The following LIMK2 variants were observed in gnomAD, a reference collection of about 807,000 sequenced individuals.
LIMK2 encodes the protein LIM domain kinase 2.
LIMK2 carries 35 observed loss-of-function variants against 75.7 expected under a neutral mutation model. The ratio of observed to expected loss-of-function variants is 0.46; its 90% CI spans 0.35 to 0.61. LIMK2 has a LOEUF of 0.61. Ranked by LOEUF, LIMK2 falls within the 20% of genes least tolerant of loss-of-function variation. The probability of loss-of-function intolerance (pLI) is 0.00; values close to 1 mark genes in which losing one functional copy is unlikely to be tolerated. For synonymous variants in LIMK2, 301 were observed against 319.2 expected, an observed-to-expected ratio of 0.94 and a Z score of 0.61; for missense variants, 623 against 831.0, an observed-to-expected ratio of 0.75 and a Z score of 3.08.
chr22:31,250,879 G>T (rs1470520315), intron 2 of LIMK2, among the ~76,000 whole-genome samples: 2 of 152,198 alleles, frequency 1.3e-5, no homozygotes, highest in Non-Finnish European at 2.9e-5. Context: ...TTAAGTTCTT[G>T]ACCCTAGGCC....
chr22:31,273,395 A>C, intron 13 of LIMK2, 57 bp from the exon 14 acceptor site: 2 of 1,480,644 alleles, frequency 1.4e-6, no homozygotes, highest in Non-Finnish European at 1.9e-6. Context: ...CCCTAGACCC[A>C]GTGCAGAGCA....
intron 15 of LIMK2, 90 bp from the exon 16 acceptor site, chr22:31,278,207 C>A: frequency 1.7e-6 from 2 of 1,186,578 alleles, no homozygotes; most frequent in Non-Finnish European, 2.4e-6. Context: ...CGTTATACAA[C>A]CAGGAAGTAG....
At chr22:31,219,425 T>C (rs1197259747) in intron 1 of LIMK2, among the ~76,000 whole-genome samples, 2 of 152,188 alleles carry the variant, frequency 1.3e-5, no homozygotes, top group African/African-American at 2.4e-5. Flanking sequence ...CGTTGCACAG[T>C]TGCACTTATT....
chr22:31,277,837 AT>A (rs1468682348), intron 15 of LIMK2, among the ~76,000 whole-genome samples: 11 of 152,162 alleles, frequency 7.2e-5, no homozygotes, highest in Admixed American at 2.0e-4. Flanking sequence ...AGTAAAGACG[AT>A]TGTTCAGGGT....
chr22:31,237,865 G>T (rs889476184), intron 2 of LIMK2, among the ~76,000 whole-genome samples: 1 of 151,860 alleles, frequency 6.6e-6, no homozygotes, highest in African/African-American at 2.4e-5. Context: ...AGCACTTTGG[G>T]AGGCCGAGGT....
Position 31,272,615 on chromosome 22 carries a change from C to T in LIMK2, c.1469C>T (p.Thr490Ile), listed in dbSNP as rs1394014794. The T allele has an allele frequency of 6.2e-7, 1 of 1,614,086 alleles. No homozygotes were observed. Among genetic ancestry groups the T allele is most frequent in the Non-Finnish European group, 8.5e-7 (1 of 1,180,002 alleles). ...RKRAPMEKATTKKRTLRKNDR... is the reference protein window; with the variant it reads ...RKRAPMEKATIKKRTLRKNDR... ...AGGGCCCCCATGGAGAAGGCCACCA[C>T]CAAGAAACGCACCTTGCGCAAGAAC... The change falls in exon 13 of 16, where the codon ACC (threonine) becomes ATC (isoleucine). Residue 490 changes from threonine (T) to isoleucine (I), a missense_variant. Transcript: ENST00000331728.
intron 2 of LIMK2, among the ~76,000 whole-genome samples, chr22:31,226,738 T>G (rs1250120620): frequency 6.6e-6 from 1 of 152,216 alleles, no homozygotes; most frequent in African/African-American, 2.4e-5. Flanking sequence ...GCCCCCCTAG[T>G]AGGTGGGACT....
rs115204987 is a variant in LIMK2, at chr22:31,262,229, G to A, written c.647G>A (p.Arg216Gln). 282 of 1,611,218 alleles carry A rather than the reference G, an allele frequency of 1.8e-4. 1 individual carries two copies. In the African/African-American group the frequency reaches 3.0e-3, roughly 17 times the overall value. ...AATGGGACCCCCGTCCGCACACTTC[G>A]AGTGGAGGAGGTAGAGTGTGTGTCT... is the stretch of plus-strand genomic sequence containing the variant. Reference protein sequence around the residue: ...EINGTPVRTLRVEEVEDAISQ... With the variant: ...EINGTPVRTLQVEEVEDAISQ... The change falls in exon 6 of 16, where the codon CGA becomes CAA. Residue 216 changes from arginine to glutamine, a missense_variant. By Grantham distance (43) the Arg-to-Gln change is conservative (BLOSUM62 1). This residue lies in a region of LIMK2 where 514 missense variants were observed against 661.3 expected (regional missense o/e 0.78). Coordinates refer to ENST00000331728, the MANE Select transcript of LIMK2 (RefSeq NM_005569.4). This position sits in a 1 kb window ranked among gnomAD's most constrained non-coding sequence, Gnocchi z 5.0.
intron 7 of LIMK2, among the ~76,000 whole-genome samples, chr22:31,264,844 G>A (rs2048876067): frequency 6.6e-6 from 1 of 151,720 alleles, no homozygotes; most frequent in Admixed American, 6.6e-5. Context: ...GAATCACAAG[G>A]TCAGGAGTTT....
rs1247903183 is a variant in LIMK2 at position 31,279,263 on chromosome 22, T to A, written c.*822T>A. The stretch of plus-strand genomic sequence containing the variant: ...TAGAAAGCTCAGATCTTGGCTTCTG[T>A]TACTCATACTCGGGTGGGCTCCTTA... On this transcript the variant is annotated 3_prime_UTR_variant, in exon 16 of 16. Coordinates refer to ENST00000331728, the MANE Select transcript of LIMK2 (RefSeq NM_005569.4). 6.6e-6 allele frequency: 1 copy of A among 152,274 alleles called. No individual in the cohort carries two copies. The highest frequency in any genetic ancestry group is 1.5e-5 in the Non-Finnish European group (1 of 68,080). The allele number at this position is 152,274 out of a possible 1,614,324, so 9.4% of individuals were successfully genotyped here.
intron 1 of LIMK2, among the ~76,000 whole-genome samples, chr22:31,214,794 A>AT (rs1203035245): frequency 2.2e-4 from 34 of 151,696 alleles, no homozygotes; most frequent in Admixed American, 2.0e-3. Flanking sequence ...TGGTTTTTTG[A>AT]TTTTTTTGTA....
At chr22:31,271,039 C>A in intron 11 of LIMK2, 97 bp from the exon 12 acceptor site, 1 of 1,100,296 alleles carries the variant, frequency 9.1e-7, no homozygotes, top group Non-Finnish European at 1.4e-6. Context: ...GCTGGGTGGG[C>A]ATGGCCTGGT....
intron 2 of LIMK2, among the ~76,000 whole-genome samples, chr22:31,230,854 T>C (rs2048521983): frequency 6.6e-6 from 1 of 152,158 alleles, no homozygotes; most frequent in Non-Finnish European, 1.5e-5. Context: ...TTCTCTCCCC[T>C]CATCCCCATC....
At chr22:31,245,641 T>A (rs1298925477) in intron 2 of LIMK2, among the ~76,000 whole-genome samples, 1 of 152,110 alleles carries the variant, frequency 6.6e-6, no homozygotes, top group Non-Finnish European at 1.5e-5. Context: ...GGTCTTGGTT[T>A]GTTACCCAGG....
At chr22:31,234,629 G>A (rs2048556350) in intron 2 of LIMK2, among the ~76,000 whole-genome samples, 1 of 148,908 alleles carries the variant, frequency 6.7e-6, no homozygotes, top group African/African-American at 2.5e-5. Context: ...GCTGAGGCAG[G>A]AGAATCACTT....
rs1028071456 is a variant in LIMK2 at position 31,220,818 on chromosome 22, C to T, written c.17-4902C>T. On this transcript the variant is annotated intron_variant, in intron 1 of 15. Coordinates refer to ENST00000331728, the MANE Select transcript of LIMK2 (RefSeq NM_005569.4). ...TCTCTACTAAAAATACAAAATTAGCCGGGCGTCGTGGCGCATGCCCACAAT... is the reference window on the plus strand; with the variant it reads ...TCTCTACTAAAAATACAAAATTAGCTGGGCGTCGTGGCGCATGCCCACAAT... Among the ~76,000 whole-genome samples, 15 of 152,132 alleles carry T rather than the reference C, an allele frequency of 9.9e-5. 1 individual carries two copies. The South Asian group carries it at 1.0e-3, about 11-fold the overall frequency.
intron 2 of LIMK2, among the ~76,000 whole-genome samples, chr22:31,240,064 GTT>G (rs2048611738): frequency 1.3e-5 from 2 of 152,114 alleles, no homozygotes; most frequent in African/African-American, 4.8e-5. Context: ...ATTTTGCCGT[GTT>G]TTTCATTTTT....
chr22:31,273,234 C>A, intron 13 of LIMK2: 1 of 209,658 alleles, frequency 4.8e-6, no homozygotes, highest in Non-Finnish European at 8.3e-6. Flanking sequence ...GCAGTTTCAT[C>A]CTAGGCAGTG....
intron 8 of LIMK2, among the ~76,000 whole-genome samples, chr22:31,266,490 C>T (rs892609479): frequency 6.6e-6 from 1 of 152,162 alleles, no homozygotes; most frequent in African/African-American, 2.4e-5. Context: ...GTCTCAGGGA[C>T]TAACCTCTCT....
Sources: gnomAD v4.1 joint callset for allele counts (sites outside exome capture counted in the v4.1 genomes callset) on GRCh38, gnomAD v4.1.1 for gene constraint, gnomAD v4.1.1 regional missense constraint, Gnocchi (gnomAD v3.1) non-coding constraint, MANE v1.5 for transcripts, NCBI Gene and HGNC (gene_info 2026-07-23, HGNC 2026-07-21) for gene names.